The following HSD17B11 variants were observed in gnomAD, a reference collection of about 807,000 sequenced individuals.
HSD17B11 encodes hydroxysteroid 17-beta dehydrogenase 11.
Under a neutral mutation model 27.8 loss-of-function variants are expected in HSD17B11, and 22 were observed. That is an observed-to-expected ratio of 0.79 (90% CI 0.56 to 1.13). The LOEUF (loss-of-function observed/expected upper bound fraction) is 1.13, where lower values mean the gene tolerates loss of function less well. HSD17B11 is among the 50% of genes most tolerant of loss of function. The probability of loss-of-function intolerance (pLI) is 0.00; values close to 1 mark genes in which losing one functional copy is unlikely to be tolerated. For synonymous variants in HSD17B11, 117 were observed against 132.8 expected (o/e 0.88, Z 0.82); for missense variants, 314 against 351.1 (o/e 0.89, Z 0.84).
At chr4:87,364,425 ATTAC>A (rs1735581863) in intron 4 of HSD17B11, among the ~76,000 whole-genome samples, 1 of 152,138 alleles carries the variant, frequency 6.6e-6, no homozygotes, top group African/African-American at 2.4e-5. Flanking sequence ...GTTATCAGCA[ATTAC>A]TTTGCATTAT....
At chr4:87,380,899 G>A (rs994514474) in intron 2 of HSD17B11, among the ~76,000 whole-genome samples, 4 of 138,624 alleles carry the variant, frequency 2.9e-5, no homozygotes, top group Admixed American at 2.3e-4. Context: ...AAAGAACTCA[G>A]GCCAGGTGTG....
chr4:87,366,632 T>C (rs115570279), intron 4 of HSD17B11, among the ~76,000 whole-genome samples: 2,158 of 152,332 alleles, frequency 0.014, 45 homozygotes, highest in African/African-American at 0.049. Context: ...AAATTTTGTA[T>C]GCCACAAAAG....
chr4:87,372,104 G>C (rs11722370), intron 4 of HSD17B11, among the ~76,000 whole-genome samples: 2 of 151,690 alleles, frequency 1.3e-5, no homozygotes, highest in African/African-American at 4.8e-5. Context: ...GTAGCCAGGC[G>C]TGGTGGCAGG....
chr4:87,368,065 C>A (rs1443808805), intron 4 of HSD17B11, among the ~76,000 whole-genome samples: 2 of 152,154 alleles, frequency 1.3e-5, no homozygotes, highest in African/African-American at 4.8e-5. Flanking sequence ...TGCCTGTAAT[C>A]CCAGCACTTT....
intron 5 of HSD17B11, among the ~76,000 whole-genome samples, chr4:87,341,203 ACT>A (rs1735160198): frequency 6.6e-6 from 1 of 151,594 alleles, no homozygotes; most frequent in Non-Finnish European, 1.5e-5. Context: ...GCAGGGTCTC[ACT>A]CTGTCACCCA....
chr4:87,364,256 A>G (rs1343357369), intron 4 of HSD17B11, among the ~76,000 whole-genome samples: 1 of 149,916 alleles, frequency 6.7e-6, no homozygotes, highest in African/African-American at 2.5e-5. Flanking sequence ...GCAGCACCAC[A>G]GATCCAGTTT....
Position 87,380,962 on chromosome 4 carries a change from C to T in HSD17B11, c.318+1293G>A, listed in dbSNP as rs1434376713. Among the ~76,000 whole-genome samples the T allele has an allele frequency of 3.3e-5, 5 of 149,344 alleles. No homozygotes were observed. In the East Asian group the frequency reaches 1.0e-3, roughly 31 times the overall value. On this transcript the variant is annotated intron_variant, in intron 2 of 6. Transcript: ENST00000358290. Reference sequence around the variant, plus strand: ...TTGGGAGGCCAAGGAGGGTGGATCACTTGAGGTCAGGAGTTCCAGACCAGA... The same window carrying T: ...TTGGGAGGCCAAGGAGGGTGGATCATTTGAGGTCAGGAGTTCCAGACCAGA...
intron 5 of HSD17B11, among the ~76,000 whole-genome samples, chr4:87,354,933 G>A (rs1017359123): frequency 3.7e-5 from 4 of 107,502 alleles, no homozygotes; most frequent in South Asian, 2.8e-4. Flanking sequence ...TGGGCAAACA[G>A]CAAAATCCTG....
chr4:87,337,383 T>G lies in HSD17B11; in HGVS notation c.813-17A>C, dbSNP rs776891793. 23 of 1,365,206 alleles carry G rather than the reference T, an allele frequency of 1.7e-5. No homozygotes were observed. The highest frequency in any genetic ancestry group is 2.4e-5 in the Non-Finnish European group (23 of 966,458). The allele number at this position is 1,365,206 out of a possible 1,614,324, so 84.6% of individuals were successfully genotyped here. ...GGAAGGATCCTAAAAGAAAGATATA[T>G]GCAAATAATTAGAAAATTAATATTA... On this transcript the variant is annotated splice_polypyrimidine_tract_variant and intron_variant, in intron 6 of 6. Transcript: ENST00000358290.
At chr4:87,379,177 G>C (rs1445563902) in intron 2 of HSD17B11, among the ~76,000 whole-genome samples, 1 of 148,414 alleles carries the variant, frequency 6.7e-6, no homozygotes, top group Non-Finnish European at 1.5e-5. Context: ...GGCTGGTCTT[G>C]AACTCCTGAC....
chr4:87,382,500 T>A, intron 1 of HSD17B11, 138 bp from the exon 2 acceptor site: 2 of 552,250 alleles, frequency 3.6e-6, no homozygotes, highest in South Asian at 6.6e-5. Flanking sequence ...TAACAACACA[T>A]TTTTGGCAGG....
intron 5 of HSD17B11, among the ~76,000 whole-genome samples, chr4:87,342,134 G>A (rs1036802423): frequency 1.3e-5 from 2 of 152,104 alleles, no homozygotes; most frequent in African/African-American, 2.4e-5. Flanking sequence ...TGTAATCCCA[G>A]GACTTTGGGA....
chr4:87,362,170 G>A (rs1735529566), intron 4 of HSD17B11, among the ~76,000 whole-genome samples: 1 of 152,202 alleles, frequency 6.6e-6, no homozygotes, highest in Non-Finnish European at 1.5e-5. Context: ...TAAAAGGCAA[G>A]GACACTTGAC....
At chr4:87,380,685 GTC>G (rs1403919115) in intron 2 of HSD17B11, among the ~76,000 whole-genome samples, 2 of 149,408 alleles carry the variant, frequency 1.3e-5, no homozygotes, top group Non-Finnish European at 3.0e-5. Flanking sequence ...GTGAAATCCC[GTC>G]TCTACTAAAA....
intron 1 of HSD17B11, among the ~76,000 whole-genome samples, chr4:87,386,466 G>T (rs1327599221): frequency 6.6e-6 from 1 of 152,112 alleles, no homozygotes; most frequent in Admixed American, 6.5e-5. Context: ...GCCTCCCAAA[G>T]TGCTGGGATT....
intron 4 of HSD17B11, among the ~76,000 whole-genome samples, chr4:87,363,745 C>T (rs765587694): frequency 7.9e-5 from 12 of 152,200 alleles, no homozygotes; most frequent in Non-Finnish European, 1.3e-4. Flanking sequence ...ATAGACACTG[C>T]CCAGACCTGT....
intron 3 of HSD17B11, among the ~76,000 whole-genome samples, chr4:87,373,843 G>T (rs1321318198): frequency 6.6e-6 from 1 of 152,168 alleles, no homozygotes; most frequent in Non-Finnish European, 1.5e-5. Flanking sequence ...TTTGAGATTA[G>T]TCATCCCAAA....
intron 4 of HSD17B11, among the ~76,000 whole-genome samples, chr4:87,372,242 CA>C (rs10618602): frequency 0.19 from 18,345 of 98,120 alleles, 626 homozygotes; most frequent in Non-Finnish European, 0.22. Context: ...GACTCCGTCT[CA>C]AAAAAAAAAA....
intron 4 of HSD17B11, among the ~76,000 whole-genome samples, chr4:87,364,894 C>T (rs183608066): frequency 1.3e-5 from 2 of 152,140 alleles, no homozygotes; most frequent in Non-Finnish European, 2.9e-5. Flanking sequence ...AATGGTGGGG[C>T]GAGGTGGCTC....
Sources: allele counts gnomAD v4.1 joint callset (sites outside exome capture counted in the v4.1 genomes callset), GRCh38; gene constraint gnomAD v4.1.1; transcripts MANE v1.5; gene names NCBI Gene and HGNC (gene_info 2026-07-23, HGNC 2026-07-21).